The following RDX variants were observed in gnomAD, a reference collection of about 807,000 sequenced individuals.
RDX encodes the protein radixin, also known as deafness, autosomal recessive 24.
In RDX, 32 loss-of-function variants were observed where a neutral mutation model predicts 83.7. The ratio of observed to expected loss-of-function variants is 0.38; its 90% confidence interval spans 0.29 to 0.51. The LOEUF is 0.51. Ranked by LOEUF, RDX falls within the 20% of genes least tolerant of loss-of-function variation. The pLI is 0.87. For synonymous variants in RDX, 229 were observed against 222.7 expected (o/e 1.03, Z -0.25); for missense variants, 600 against 689.9 (o/e 0.87, Z 1.46).
At chr11:110,207,114 C>T (rs1366089735) in intron 14 of RDX, among the ~76,000 whole-genome samples, 1 of 152,132 alleles carries the variant, frequency 6.6e-6, no homozygotes, top group Non-Finnish European at 1.5e-5. Context: ...GCCAGGATTA[C>T]AGGTGTGCAC....
At chr11:110,255,532 T>C (rs536992524) in intron 7 of RDX, 147 bp from the exon 8 acceptor site, 4 of 622,168 alleles carry the variant, frequency 6.4e-6, no homozygotes, top group African/African-American at 1.9e-5. Flanking sequence ...GTTGACCTTA[T>C]CTTTTAAGGG....
In RDX at chr11:110,231,855, C is replaced by A; in HGVS notation, c.*14G>T. The A allele has an allele frequency of 6.2e-7, 1 of 1,611,862 alleles. No homozygotes were observed. On this transcript the variant is annotated 3_prime_UTR_variant, in exon 14 of 14. Transcript: ENST00000645495. ...GTTCAGCTTATGAAGAACATATATGCAAAATAACAGCTCTCACATTGCTTC... is the reference window on the plus strand; with the variant it reads ...GTTCAGCTTATGAAGAACATATATGAAAAATAACAGCTCTCACATTGCTTC...
chr11:110,242,598 AG>A (rs1391780812), intron 10 of RDX, among the ~76,000 whole-genome samples: 13 of 152,162 alleles, frequency 8.5e-5, no homozygotes, highest in Non-Finnish European at 1.0e-4. Flanking sequence ...TCATTTTATC[AG>A]CTTTTTGTAA....
rs567006218 is a variant in RDX, at chr11:110,284,745, G to C, written c.-64-4989C>G. 1.4e-4 allele frequency among the ~76,000 whole-genome samples: 21 copies of C among 151,880 alleles called. No individual in the cohort carries two copies. In the East Asian group the frequency reaches 4.1e-3, roughly 30 times the overall value. ...TCACCGTGTTAGCCAGGATGGTCTC[G>C]ATCTCCTGACCTCGTGATCCACCCG... On this transcript the variant is annotated intron_variant, in intron 1 of 13. Transcript: ENST00000645495.
At chr11:110,261,889 A>AT (rs1221504101) in intron 5 of RDX, among the ~76,000 whole-genome samples, 1 of 152,126 alleles carries the variant, frequency 6.6e-6, no homozygotes, top group African/African-American at 2.4e-5. Flanking sequence ...TGTTTAAGAG[A>AT]TTTTTTTCAA....
chr11:110,237,384 G>T, intron 11 of RDX, 108 bp downstream of exon 11: 2 of 998,568 alleles, frequency 2.0e-6, no homozygotes, highest in Non-Finnish European at 2.9e-6. Context: ...GTTATCTTTG[G>T]CTTGCTCTCC....
At chr11:110,227,174 T>C (rs1864462380), downstream of RDX, among the ~76,000 whole-genome samples, 1 of 152,076 alleles carries the variant, frequency 6.6e-6, no homozygotes, top group Admixed American at 6.6e-5. Flanking sequence ...AAACATCATA[T>C]TTAAGTTGAA....
At chr11:110,254,249 A>G (rs1313258880) in intron 8 of RDX, 140 bp from the exon 9 acceptor site, 7 of 745,244 alleles carry the variant, frequency 9.4e-6, no homozygotes, top group East Asian at 8.1e-5. Flanking sequence ...ATACAATTTC[A>G]TAACTCCCAG....
In RDX at chr11:110,264,342, A is replaced by C; in HGVS notation, c.193-108T>G. On this transcript the variant is annotated intron_variant, in intron 4 of 13. Transcript: ENST00000645495. ...AGAAAATGAAGTGAAATAGATTCTA[A>C]ATCTATGAAGATTTTAGTGTGTAAT... The C allele has an allele frequency of 5.2e-6, 4 of 766,756 alleles. No homozygotes were observed. The South Asian group carries it at 7.6e-5, about 15-fold the overall frequency. The allele number at this position is 766,756 out of a possible 1,614,324, so 47.5% of individuals were successfully genotyped here.
intron 14 of RDX, among the ~76,000 whole-genome samples, chr11:110,219,116 A>G (rs943376485): frequency 1.3e-5 from 2 of 152,220 alleles, no homozygotes; most frequent in African/African-American, 4.8e-5. Context: ...ACAATTTTAA[A>G]TAGGGTTGTA....
intron 1 of RDX, among the ~76,000 whole-genome samples, chr11:110,284,740 G>A (rs912703968): frequency 2.6e-5 from 4 of 151,774 alleles, no homozygotes; most frequent in African/African-American, 9.7e-5. Context: ...AGCCAGGATG[G>A]TCTCGATCTC....
chr11:110,266,327 C>T (rs566966973), intron 3 of RDX, among the ~76,000 whole-genome samples: 264 of 150,192 alleles, frequency 1.8e-3, no homozygotes, highest in African/African-American at 6.1e-3. Context: ...AGCAAGACTC[C>T]GTCTCAAAAA....
chr11:110,226,514 T>A (rs1864441457), downstream of RDX, among the ~76,000 whole-genome samples: 1 of 152,140 alleles, frequency 6.6e-6, no homozygotes, highest in African/African-American at 2.4e-5. Context: ...GGTACAGGCT[T>A]CAGTCCGGGA....
intron 1 of RDX, among the ~76,000 whole-genome samples, chr11:110,292,037 A>C (rs531259172): frequency 1.3e-3 from 195 of 152,278 alleles, no homozygotes; most frequent in African/African-American, 4.3e-3. Flanking sequence ...TCACACCTGT[A>C]ATCCCAGCAC....
At chr11:110,252,393 T>C (rs774363793) in intron 9 of RDX, among the ~76,000 whole-genome samples, 9 of 152,122 alleles carry the variant, frequency 5.9e-5, no homozygotes, top group Non-Finnish European at 1.3e-4. Context: ...AAAGGATATA[T>C]AGATAAATAT....
At chr11:110,289,474 T>C (rs946327649) in intron 1 of RDX, among the ~76,000 whole-genome samples, 3 of 152,180 alleles carry the variant, frequency 2.0e-5, no homozygotes, top group African/African-American at 7.2e-5. Context: ...AACTAAGTTT[T>C]TATAGTTTTT....
chr11:110,269,536 T>C (rs772169515), intron 3 of RDX, among the ~76,000 whole-genome samples: 1 of 152,204 alleles, frequency 6.6e-6, no homozygotes, highest in Admixed American at 6.5e-5. Flanking sequence ...GCTCTCATTT[T>C]AGAGGACCCA....
intron 4 of RDX, among the ~76,000 whole-genome samples, 187 bp downstream of exon 4, chr11:110,264,592 T>C (rs914824569): frequency 5.6e-5 from 8 of 142,942 alleles, no homozygotes; most frequent in African/African-American, 2.0e-4. Flanking sequence ...TAAGCATTTC[T>C]TTTTTTTTTT....
At chr11:110,237,154 ATATAAC>A (rs940520260) in intron 11 of RDX, among the ~76,000 whole-genome samples, 121 of 149,852 alleles carry the variant, frequency 8.1e-4, no homozygotes, top group Admixed American at 3.3e-3. Flanking sequence ...TATCTATATT[ATATAAC>A]TATAACATAT....
Sources: gnomAD v4.1 joint callset for allele counts (sites outside exome capture counted in the v4.1 genomes callset) on GRCh38, gnomAD v4.1.1 for gene constraint, MANE v1.5 for transcripts, NCBI Gene and HGNC (gene_info 2026-07-23, HGNC 2026-07-21) for gene names.